The following KIF26B variants were observed in gnomAD, a reference collection of about 807,000 sequenced individuals.
KIF26B encodes the protein kinesin family member 26B.
In KIF26B, 63 loss-of-function variants were observed where a neutral mutation model predicts 151.2. The observed-to-expected ratio is 0.42, with a 90% CI of 0.34 to 0.51. KIF26B has a LOEUF of 0.51. KIF26B is among the 20% of genes least tolerant of loss of function. The probability of loss-of-function intolerance (pLI) is 0.07; values close to 1 mark genes in which losing one functional copy is unlikely to be tolerated. For missense variants in KIF26B, 2,813 were observed against 2,913.6 expected (o/e 0.97, Z 0.79); for synonymous variants, 1,357 against 1,262.1 (o/e 1.08, Z -1.59).
At chr1:245,480,302 G>A (rs947145384) in intron 4 of KIF26B, among the ~76,000 whole-genome samples, 3 of 151,194 alleles carry the variant, frequency 2.0e-5, no homozygotes, top group East Asian at 1.9e-4. Context: ...AAAAACTGCC[G>A]AACTACATGC....
chr1:245,587,399 A>C (rs571363519), intron 5 of KIF26B, among the ~76,000 whole-genome samples: 3 of 152,238 alleles, frequency 2.0e-5, no homozygotes, highest in African/African-American at 7.2e-5. Context: ...CTCGCACAGT[A>C]CCTGGACCAG....
chr1:245,303,991 C>G (rs1671490048), intron 2 of KIF26B, among the ~76,000 whole-genome samples: 1 of 152,188 alleles, frequency 6.6e-6, no homozygotes, highest in South Asian at 2.1e-4. Context: ...GGAAGTTTTC[C>G]AACTCCACCA....
At chr1:245,536,856 A>C (rs1661497025) in intron 4 of KIF26B, among the ~76,000 whole-genome samples, 1 of 152,164 alleles carries the variant, frequency 6.6e-6, no homozygotes, top group African/African-American at 2.4e-5. Context: ...CACAGCATGG[A>C]AGCTGCGTTC....
chr1:245,657,955 C>G (rs184010508), intron 10 of KIF26B, among the ~76,000 whole-genome samples: 11 of 152,304 alleles, frequency 7.2e-5, no homozygotes, highest in South Asian at 2.1e-4. Context: ...AGCTCAGGTG[C>G]CCTTGTGTGA....
chr1:245,372,881 C>A (rs1489168512), intron 3 of KIF26B, among the ~76,000 whole-genome samples: 2 of 152,170 alleles, frequency 1.3e-5, no homozygotes, highest in African/African-American at 4.8e-5. Flanking sequence ...AACTATTAAA[C>A]CAGTTTAGTA....
At chr1:245,199,835 C>T (rs1010614406) in intron 2 of KIF26B, among the ~76,000 whole-genome samples, 45 of 38,664 alleles carry the variant, frequency 1.2e-3, no homozygotes, top group Non-Finnish European at 3.2e-3. Flanking sequence ...ATCCATCCAT[C>T]CATCCATCCA....
intron 2 of KIF26B, among the ~76,000 whole-genome samples, chr1:245,267,922 A>G (rs532450632): frequency 1.3e-5 from 2 of 152,278 alleles, no homozygotes; most frequent in African/African-American, 4.8e-5. Flanking sequence ...ATTTTGGGAC[A>G]TTTCTTATAG....
intron 2 of KIF26B, among the ~76,000 whole-genome samples, chr1:245,300,748 C>T (rs187981183): frequency 2.7e-4 from 41 of 150,986 alleles, no homozygotes; most frequent in East Asian, 2.0e-3. Context: ...AGGCTGGTCT[C>T]GAGCTCCTGA....
At chr1:245,430,632 A>T (rs1372383376) in intron 4 of KIF26B, among the ~76,000 whole-genome samples, 1 of 152,110 alleles carries the variant, frequency 6.6e-6, no homozygotes, top group African/African-American at 2.4e-5. Flanking sequence ...TCACCAGGGC[A>T]CTCCAGCCTA....
At chr1:245,230,167 AC>A (rs1340554747) in intron 2 of KIF26B, among the ~76,000 whole-genome samples, 5 of 150,762 alleles carry the variant, frequency 3.3e-5, no homozygotes, top group Admixed American at 6.6e-5. Flanking sequence ...AAAAAAAAAA[AC>A]AACAACACTC....
rs998318857 is a variant in KIF26B, at chr1:245,630,581, A to G, written c.2099-15540A>G. ...GGAACAACACACACCAGGGCCTGTC[A>G]GGGGGTTGAGGGAAAGGGGAGTGAG... On this transcript the variant is annotated intron_variant, in intron 9 of 14. Coordinates refer to ENST00000407071, the MANE Select transcript of KIF26B (RefSeq NM_018012.4). 2.0e-5 allele frequency among the ~76,000 whole-genome samples: 3 copies of G among 152,138 alleles called. No individual in the cohort carries two copies. In the South Asian group the frequency reaches 6.2e-4, roughly 32 times the overall value.
chr1:245,609,541 G>A lies in KIF26B; in HGVS notation c.1914+13G>A. On this transcript the variant is annotated intron_variant, in intron 8 of 14. Transcript: ENST00000407071. ...CTGCGGCACGCAGGTGATTGCTTCTGAAGCCTGGCTCGCCCCAAGGTGGCT... is the reference window on the plus strand; with the variant it reads ...CTGCGGCACGCAGGTGATTGCTTCTAAAGCCTGGCTCGCCCCAAGGTGGCT... 2 of 1,517,792 alleles carry A rather than the reference G, an allele frequency of 1.3e-6. No homozygotes were observed. The highest frequency in any genetic ancestry group is 1.8e-6 in the Non-Finnish European group (2 of 1,131,716). 94.0% of individuals were successfully genotyped at this position (1,517,792 alleles called of 1,614,324 possible).
rs145660049 is a variant in KIF26B, at chr1:245,423,046, C to T, written c.1166+3301C>T. 7.2e-3 allele frequency among the ~76,000 whole-genome samples: 1,043 copies of T among 144,618 alleles called. 16 individuals are homozygous for T. Among genetic ancestry groups the T allele is most frequent in the African/African-American group, 0.025 (976 of 38,540 alleles). The allele number at this position is 144,618 out of a possible 152,430, so 94.9% of individuals were successfully genotyped here. On this transcript the variant is annotated intron_variant, in intron 4 of 14. Coordinates refer to ENST00000407071, the MANE Select transcript of KIF26B (RefSeq NM_018012.4). ...TTAGGAAGGTGGGGTTTCGGTGAGC[C>T]GAGATGGCGCCACTGCACTCCAGCC...
chr1:245,688,398 C>T lies in KIF26B; in HGVS notation c.5415C>T (p.Ser1805=), dbSNP rs532680711. 32 of 1,512,992 alleles carry T rather than the reference C, an allele frequency of 2.1e-5. No homozygotes were observed. In the East Asian group the frequency reaches 2.9e-4, roughly 14 times the overall value. The allele number at this position is 1,512,992 out of a possible 1,614,324, so 93.7% of individuals were successfully genotyped here. A position where few individuals can be genotyped will look rare whatever the true frequency, so the allele number is the denominator to read the frequency against. The change falls in exon 12 of 15, where the codon AGC becomes AGT. Residue 1805 remains serine, a synonymous_variant. Transcript: ENST00000407071. ...LASKLPLRAV[S]GRISELLQGG... ...CCAAGCTTCCCCTGCGGGCCGTCAG[C>T]GGGCGCATCTCGGAGCTGCTGCAGG...
At chr1:245,469,849 G>A (rs1325571920) in intron 4 of KIF26B, among the ~76,000 whole-genome samples, 2 of 152,102 alleles carry the variant, frequency 1.3e-5, no homozygotes, top group African/African-American at 4.8e-5. Flanking sequence ...CCTACCTGTG[G>A]TCTGTAAGGA....
At chr1:245,526,575 T>C (rs1661240127) in intron 4 of KIF26B, among the ~76,000 whole-genome samples, 1 of 152,234 alleles carries the variant, frequency 6.6e-6, no homozygotes. Flanking sequence ...AATTACTTCC[T>C]CTAGCAAATG....
chr1:245,339,912 G>A (rs965201556), intron 2 of KIF26B, among the ~76,000 whole-genome samples: 1 of 152,164 alleles, frequency 6.6e-6, no homozygotes, highest in Non-Finnish European at 1.5e-5. Context: ...CCATTGGGCC[G>A]TGTTGGAGAA....
intron 4 of KIF26B, among the ~76,000 whole-genome samples, chr1:245,477,905 G>A (rs1199262503): frequency 6.6e-6 from 1 of 151,604 alleles, no homozygotes; most frequent in Non-Finnish European, 1.5e-5. Flanking sequence ...ATAATTTACT[G>A]GTTTTTAGTC....
rs1446903315 is a variant in KIF26B, at chr1:245,358,518, T to A, written c.466-8316T>A. Among the ~76,000 whole-genome samples, 2 of 152,060 alleles carry A rather than the reference T, an allele frequency of 1.3e-5. No homozygotes were observed. Among genetic ancestry groups the A allele is most frequent in the African/African-American group, 4.8e-5 (2 of 41,366 alleles). Reference sequence around the variant, plus strand: ...CTGGGCTACAGAGTGAGACTCCGTCTCAAAACAAAACAAAACAAAACAAAA... The same window carrying A: ...CTGGGCTACAGAGTGAGACTCCGTCACAAAACAAAACAAAACAAAACAAAA... On this transcript the variant is annotated intron_variant, in intron 2 of 14. Coordinates refer to ENST00000407071, the MANE Select transcript of KIF26B (RefSeq NM_018012.4). This position sits in a 1 kb window ranked among gnomAD's most constrained non-coding sequence, Gnocchi z 4.1.
Sources: gnomAD v4.1 joint callset for allele counts (sites outside exome capture counted in the v4.1 genomes callset) on GRCh38, gnomAD v4.1.1 for gene constraint, Gnocchi (gnomAD v3.1) non-coding constraint, MANE v1.5 for transcripts, NCBI Gene and HGNC (gene_info 2026-07-23, HGNC 2026-07-21) for gene names.